PC: variants seen among roughly 807,000 people sequenced by gnomAD.
PC encodes the protein pyruvate carboxylase, mitochondrial.
Under a neutral mutation model 107.8 loss-of-function variants are expected in PC, and 46 were observed. The observed-to-expected ratio is 0.43, with a 90% confidence interval of 0.34 to 0.55. The LOEUF (loss-of-function observed/expected upper bound fraction) is 0.55. PC is among the 20% of genes least tolerant of loss of function. The probability of loss-of-function intolerance (pLI) is 0.04; values close to 1 mark genes in which losing one functional copy is unlikely to be tolerated. For missense variants in PC, 1,241 were observed against 1,643.1 expected (o/e 0.76, Z 4.23); for synonymous variants, 662 against 684.7 (o/e 0.97, Z 0.52).
At chr11:66,942,165 G>A (rs867800357) in intron 3 of PC, among the ~76,000 whole-genome samples, 6 of 151,418 alleles carry the variant, frequency 4.0e-5, no homozygotes, top group Admixed American at 2.0e-4. Flanking sequence ...TTGGGAGGCC[G>A]AGGTGGACGG....
At chr11:66,873,462 AT>A (rs1946835564) in intron 3 of PC, among the ~76,000 whole-genome samples, 2 of 84,214 alleles carry the variant, frequency 2.4e-5, no homozygotes, top group East Asian at 2.9e-4. Flanking sequence ...TAAAATATAT[AT>A]TATATATAAT....
At chr11:66,889,373 G>GTAT (rs1202902373) in intron 3 of PC, among the ~76,000 whole-genome samples, 1 of 151,578 alleles carries the variant, frequency 6.6e-6, no homozygotes, top group African/African-American at 2.4e-5. Flanking sequence ...GTGTCCACAT[G>GTAT]TATTATTATT....
chr11:66,860,740 G>A, intron 12 of PC: 3 of 699,618 alleles, frequency 4.3e-6, no homozygotes, highest in African/African-American at 1.7e-5. Context: ...CTTCCTGCCA[G>A]GTGGCGACAG....
At chr11:66,906,416 T>A (rs1302516627) in intron 3 of PC, among the ~76,000 whole-genome samples, 1 of 152,180 alleles carries the variant, frequency 6.6e-6, no homozygotes, top group Non-Finnish European at 1.5e-5. Context: ...TCCCTCCTGA[T>A]GGCAGGTCTC....
rs1210801756 is a variant in PC, at chr11:66,942,779, G to A, written c.-1+9651C>T. 4.6e-5 allele frequency among the ~76,000 whole-genome samples: 7 copies of A among 152,208 alleles called. No homozygotes were observed. In the East Asian group the frequency reaches 7.7e-4, roughly 17 times the overall value. Reference sequence around the variant, plus strand: ...TGTAATCCCAGCACTTTGGGAGGCCGAGGCGGGCGGATCACCTGAAGTCGG... The same window carrying A: ...TGTAATCCCAGCACTTTGGGAGGCCAAGGCGGGCGGATCACCTGAAGTCGG... On this transcript the variant is annotated intron_variant, in intron 3 of 22. Coordinates refer to ENST00000393960, the MANE Select transcript of PC (RefSeq NM_001040716.2).
intron 3 of PC, among the ~76,000 whole-genome samples, chr11:66,948,012 AAGATAGATAGATAGATAGATAGAT>A (rs57087967): frequency 5.2e-5 from 7 of 134,692 alleles, no homozygotes; most frequent in African/African-American, 1.7e-4. Flanking sequence ...ATCTCTACTA[AAGATAGATAGATAGATAGATAGAT>A]AGATAGATAG....
At chr11:66,915,657 C>T (rs1477921377) in intron 3 of PC, among the ~76,000 whole-genome samples, 1 of 152,212 alleles carries the variant, frequency 6.6e-6, no homozygotes, top group Non-Finnish European at 1.5e-5. Flanking sequence ...TACCAGGGCC[C>T]TGCCCGCAGG....
At chr11:66,898,047 G>A (rs1190793524) in intron 3 of PC, among the ~76,000 whole-genome samples, 2 of 152,194 alleles carry the variant, frequency 1.3e-5, no homozygotes, top group Non-Finnish European at 2.9e-5. Context: ...TTTCATGAGA[G>A]CAGCTAGCCT....
At chr11:66,937,886 C>T (rs1434190717) in intron 3 of PC, among the ~76,000 whole-genome samples, 1 of 151,654 alleles carries the variant, frequency 6.6e-6, no homozygotes, top group Non-Finnish European at 1.5e-5. Context: ...AAGCGATTCT[C>T]CTGCCTCAGC....
chr11:66,887,707 C>T (rs549204212), intron 3 of PC, among the ~76,000 whole-genome samples: 3 of 152,282 alleles, frequency 2.0e-5, no homozygotes, highest in East Asian at 3.9e-4. Flanking sequence ...GAAAGTCTCC[C>T]GGGACTGAAG....
At chr11:66,951,855 A>C (rs952966957) in intron 3 of PC, among the ~76,000 whole-genome samples, 1 of 150,756 alleles carries the variant, frequency 6.6e-6, no homozygotes, top group African/African-American at 2.4e-5. Flanking sequence ...GCGCCACTGC[A>C]CTCCAGCCTG....
intron 12 of PC, among the ~76,000 whole-genome samples, chr11:66,854,264 C>G (rs1048981372): frequency 1.3e-5 from 2 of 152,260 alleles, no homozygotes; most frequent in Non-Finnish European, 2.9e-5. Context: ...GCGCTCCACA[C>G]CTTTGCACCT....
chr11:66,880,320 G>C (rs983888946), intron 3 of PC, among the ~76,000 whole-genome samples: 2 of 152,204 alleles, frequency 1.3e-5, no homozygotes, highest in Non-Finnish European at 2.9e-5. Flanking sequence ...CTGAGCTTGA[G>C]GGGTCTGGGA....
chr11:66,874,340 G>A (rs139676757), intron 3 of PC, among the ~76,000 whole-genome samples: 2,394 of 152,242 alleles, frequency 0.016, 37 homozygotes, highest in South Asian at 0.043. Context: ...TACCCGCCTC[G>A]GCCTCACAAA....
chr11:66,861,513 C>T (rs1463411195), intron 12 of PC, among the ~76,000 whole-genome samples: 1 of 152,252 alleles, frequency 6.6e-6, no homozygotes, highest in Non-Finnish European at 1.5e-5. Context: ...CGTGTGCCTG[C>T]CCTCCCAGCC....
intron 3 of PC, among the ~76,000 whole-genome samples, chr11:66,878,791 G>C (rs990780242): frequency 3.9e-5 from 6 of 152,204 alleles, no homozygotes; most frequent in Non-Finnish European, 7.3e-5. Flanking sequence ...TTTATGGAAG[G>C]GAAAAGATCA....
Position 66,853,386 on chromosome 11 carries a change from G to A in PC, c.1369-3C>T. The A allele has an allele frequency of 6.2e-7, 1 of 1,613,960 alleles. No homozygotes were observed. The highest frequency in any genetic ancestry group is 2.2e-5 in the East Asian group (1 of 44,882). Reference sequence around the variant, plus strand: ...TTCTGCAGGAAGGCGATGTTGGTCTGCAGGACAGAGGCGGGTGGGAGGGGG... The same window carrying A: ...TTCTGCAGGAAGGCGATGTTGGTCTACAGGACAGAGGCGGGTGGGAGGGGG... On this transcript the variant is annotated splice_region_variant and splice_polypyrimidine_tract_variant and intron_variant, in intron 12 of 22. Coordinates refer to ENST00000393960, the MANE Select transcript of PC (RefSeq NM_001040716.2).
chr11:66,918,215 C>G (rs1948508092), intron 3 of PC, among the ~76,000 whole-genome samples: 1 of 152,024 alleles, frequency 6.6e-6, no homozygotes, highest in African/African-American at 2.4e-5. Flanking sequence ...TGTTTTGAGT[C>G]CACTAGAACC....
intron 3 of PC, among the ~76,000 whole-genome samples, chr11:66,908,478 C>T (rs1321092431): frequency 1.3e-5 from 2 of 152,164 alleles, no homozygotes; most frequent in Non-Finnish European, 2.9e-5. Flanking sequence ...CCACCCAGCT[C>T]AGTTCATTTA....
Sources: allele counts gnomAD v4.1 joint callset (sites outside exome capture counted in the v4.1 genomes callset), GRCh38; gene constraint gnomAD v4.1.1; transcripts MANE v1.5; gene names NCBI Gene and HGNC (gene_info 2026-07-23, HGNC 2026-07-21).